The following NAV2 variants were observed in gnomAD, a reference collection of about 807,000 sequenced individuals.
NAV2 encodes the protein helicase, APC down-regulated 1.
In NAV2, 54 loss-of-function variants were observed where a neutral mutation model predicts 223.2. The observed-to-expected ratio is 0.24, with a 90% CI of 0.19 to 0.30. The LOEUF (loss-of-function observed/expected upper bound fraction) is 0.30. Among genes scored for constraint, NAV2 ranks in the 10% least tolerant of loss-of-function variants. The pLI is 1.00. For synonymous variants in NAV2, 1,279 were observed against 1,239.3 expected (o/e 1.03, Z -0.67); for missense variants, 2,806 against 3,147.5 (o/e 0.89, Z 2.60).
intron 1 of NAV2, among the ~76,000 whole-genome samples, chr11:19,559,289 T>C (rs573479894): frequency 2.6e-5 from 4 of 152,344 alleles, no homozygotes; most frequent in Admixed American, 1.3e-4. Context: ...AGAGCTAGAA[T>C]TGAAGCCCAG....
rs1303445208 is a variant in NAV2, at chr11:19,510,919, A to G, written c.75+159892A>G. 3 of 152,358 alleles carry G rather than the reference A, an allele frequency of 2.0e-5. No homozygotes were observed. The East Asian group carries it at 5.8e-4, about 29-fold the overall frequency. The allele number at this position is 152,358 out of a possible 1,614,324, so 9.4% of individuals were successfully genotyped here. On this transcript the variant is annotated intron_variant, in intron 1 of 37. Transcript: ENST00000360655. ...TTATGAGGTTTTCACTTTTATTTAT[A>G]AACTCAAAAAGGGCTGGAGTTACAC...
intron 10 of NAV2, among the ~76,000 whole-genome samples, chr11:19,983,876 G>A (rs1448716463): frequency 2.0e-5 from 3 of 152,210 alleles, no homozygotes; most frequent in African/African-American, 7.2e-5. Context: ...GTAGGTACCT[G>A]TGAGTTTGGG....
chr11:20,033,109 T>G (rs116091557), intron 11 of NAV2, among the ~76,000 whole-genome samples: 2,822 of 152,348 alleles, frequency 0.019, 91 homozygotes, highest in African/African-American at 0.064. Flanking sequence ...ATTAGACATT[T>G]GCTTTTTAAA....
intron 26 of NAV2, among the ~76,000 whole-genome samples, chr11:20,089,707 C>T (rs929033141): frequency 6.6e-6 from 1 of 152,126 alleles, no homozygotes; most frequent in Non-Finnish European, 1.5e-5. Context: ...CTAAGATCGT[C>T]GAAACTCACA....
At chr11:19,729,220 A>G (rs1053381810) in intron 1 of NAV2, among the ~76,000 whole-genome samples, 1 of 152,198 alleles carries the variant, frequency 6.6e-6, no homozygotes, top group African/African-American at 2.4e-5. Flanking sequence ...GGTGACTTGG[A>G]GCAAGCAGGA....
intron 1 of NAV2, among the ~76,000 whole-genome samples, chr11:19,476,365 A>G (rs1024690130): frequency 1.3e-5 from 2 of 152,078 alleles, no homozygotes; most frequent in African/African-American, 2.4e-5. Context: ...TAGACCATCA[A>G]GAGACTTTTT....
intron 1 of NAV2, among the ~76,000 whole-genome samples, chr11:19,701,183 T>A (rs1421873359): frequency 1.3e-5 from 2 of 152,058 alleles, no homozygotes; most frequent in Non-Finnish European, 2.9e-5. Flanking sequence ...AGGAACCTGA[T>A]AATAAACTAT....
chr11:19,680,592 C>A (rs542853735), intron 1 of NAV2, among the ~76,000 whole-genome samples: 2 of 152,300 alleles, frequency 1.3e-5, no homozygotes, highest in East Asian at 1.9e-4. Context: ...GCCAGACAGA[C>A]CTGCATTTGA....
At chr11:19,688,194 A>G (rs1292722634) in intron 1 of NAV2, among the ~76,000 whole-genome samples, 1 of 152,250 alleles carries the variant, frequency 6.6e-6, no homozygotes, top group Non-Finnish European at 1.5e-5. Flanking sequence ...CTTGAATTGC[A>G]TGATTATGAA....
At chr11:19,660,562 A>T (rs2048249393) in intron 1 of NAV2, among the ~76,000 whole-genome samples, 1 of 152,160 alleles carries the variant, frequency 6.6e-6, no homozygotes, top group Admixed American at 6.5e-5. Flanking sequence ...AGAGCATCAG[A>T]TCCCAACAAA....
At chr11:19,394,314 G>GA (rs1318913393) in intron 1 of NAV2, among the ~76,000 whole-genome samples, 2 of 152,052 alleles carry the variant, frequency 1.3e-5, no homozygotes, top group South Asian at 2.1e-4. Flanking sequence ...TTATAATGGG[G>GA]AAAAAATGCT....
intron 18 of NAV2, among the ~76,000 whole-genome samples, chr11:20,055,232 G>T (rs2058292062): frequency 6.6e-6 from 1 of 152,170 alleles, no homozygotes; most frequent in Non-Finnish European, 1.5e-5. Context: ...CAAATGGACA[G>T]GATTTTCATA....
At chr11:19,902,247 G>A (rs1248464965) in intron 6 of NAV2, among the ~76,000 whole-genome samples, 1 of 152,126 alleles carries the variant, frequency 6.6e-6, no homozygotes, top group East Asian at 1.9e-4. Context: ...TGCCCCCTTT[G>A]GGAGTCATTT....
chr11:19,616,916 TACTC>T (rs1426340245), intron 1 of NAV2, among the ~76,000 whole-genome samples: 1 of 152,100 alleles, frequency 6.6e-6, no homozygotes, highest in East Asian at 1.9e-4. Context: ...CTTTGCCATG[TACTC>T]ATCATTTAAT....
chr11:19,450,442 A>T lies in NAV2; in HGVS notation c.75+99415A>T, dbSNP rs1851750835. 2.0e-5 allele frequency among the ~76,000 whole-genome samples: 3 copies of T among 152,216 alleles called. No homozygotes were observed. The South Asian group carries it at 6.2e-4, about 32-fold the overall frequency. ...CTAGGTCTATCCTTTTCTCACCGGA[A>T]CCAGCCTAGGCAAATCACTGGTGCT... On this transcript the variant is annotated intron_variant, in intron 1 of 37. Coordinates refer to the NAV2 transcript ENST00000360655.
chr11:19,368,249 G>T (rs1018530179), intron 1 of NAV2, among the ~76,000 whole-genome samples: 1 of 152,190 alleles, frequency 6.6e-6, no homozygotes, highest in African/African-American at 2.4e-5. Context: ...CCGAGGCAAG[G>T]AACAGCCAGC....
rs923500666 is a variant in NAV2 at position 19,533,785 on chromosome 11, C to G, written c.75+182758C>G. Among the ~76,000 whole-genome samples, 4 of 143,910 alleles carry G rather than the reference C, an allele frequency of 2.8e-5. 1 individual carries two copies. Among genetic ancestry groups the G allele is most frequent in the African/African-American group, 1.1e-4 (4 of 34,998 alleles). 94.4% of individuals were successfully genotyped at this position (143,910 alleles called of 152,430 possible). ...GCAGTGGCGGGATCTCGGCTCACTGCAAGCTCCGCCTCCCGGGTTCACGCC... is the reference window on the plus strand; with the variant it reads ...GCAGTGGCGGGATCTCGGCTCACTGGAAGCTCCGCCTCCCGGGTTCACGCC... On this transcript the variant is annotated intron_variant, in intron 1 of 37. Coordinates refer to the NAV2 transcript ENST00000360655.
intron 1 of NAV2, among the ~76,000 whole-genome samples, chr11:19,786,735 T>C (rs1373003084): frequency 6.6e-6 from 1 of 152,148 alleles, no homozygotes; most frequent in African/African-American, 2.4e-5. Context: ...GGAGTTCCCT[T>C]TCTTCCCTAC....
At chr11:19,653,887 C>T (rs1281116036) in intron 1 of NAV2, among the ~76,000 whole-genome samples, 1 of 152,172 alleles carries the variant, frequency 6.6e-6, no homozygotes, top group East Asian at 1.9e-4. Flanking sequence ...AGCCACTCCA[C>T]CTCCCACACT....
Sources: allele counts gnomAD v4.1 joint callset (sites outside exome capture counted in the v4.1 genomes callset), GRCh38; gene constraint gnomAD v4.1.1; transcripts MANE v1.5; gene names NCBI Gene and HGNC (gene_info 2026-07-23, HGNC 2026-07-21).